Variants in MGAT4C observed in about 807,000 individuals in gnomAD.
MGAT4C encodes alpha-1,3-mannosyl-glycoprotein 4-beta-N-acetylglucosaminyltransferase C.
A neutral mutation model predicts 40.1 loss-of-function variants in MGAT4C; 19 were observed. That is an observed-to-expected ratio of 0.47 (90% confidence interval 0.33 to 0.70). MGAT4C has a LOEUF of 0.70. Ranked by LOEUF, MGAT4C falls within the 30% of genes least tolerant of loss-of-function variation. The pLI, the probability that MGAT4C is intolerant of heterozygous loss-of-function variation, is 0.02. For synonymous variants in MGAT4C, 181 were observed against 187.1 expected, an observed-to-expected ratio of 0.97 and a Z score of 0.27; for missense variants, 491 against 563.2, an observed-to-expected ratio of 0.87 and a Z score of 1.30.
intron 1 of MGAT4C, among the ~76,000 whole-genome samples, chr12:86,795,843 A>G (rs1254504685): frequency 6.6e-6 from 1 of 151,944 alleles, no homozygotes; most frequent in African/African-American, 2.4e-5. Flanking sequence ...GTATTAGTAG[A>G]TTTTGAATCC....
intron 1 of MGAT4C, among the ~76,000 whole-genome samples, chr12:86,153,917 G>A (rs778996875): frequency 1.2e-4 from 18 of 152,224 alleles, no homozygotes; most frequent in Non-Finnish European, 2.1e-4. Context: ...CTTATTGTGA[G>A]CATTTTTTTC....
intron 2 of MGAT4C, among the ~76,000 whole-genome samples, chr12:86,500,820 T>A (rs982747975): frequency 6.6e-6 from 1 of 151,916 alleles, no homozygotes; most frequent in African/African-American, 2.4e-5. Flanking sequence ...AACACAAAAA[T>A]CTGAAATAAA....
At chr12:86,603,630 A>G (rs1434027024) in intron 2 of MGAT4C, among the ~76,000 whole-genome samples, 1 of 126,450 alleles carries the variant, frequency 7.9e-6, no homozygotes, top group African/African-American at 3.0e-5. Context: ...TATAGTCTAT[A>G]GACTATATAT....
intron 2 of MGAT4C, among the ~76,000 whole-genome samples, chr12:86,664,705 A>C (rs1964060960): frequency 6.6e-6 from 1 of 152,208 alleles, no homozygotes; most frequent in Admixed American, 6.5e-5. Flanking sequence ...TATTAACCTA[A>C]AGAAGATTAA....
chr12:86,404,660 A>G lies in MGAT4C; in HGVS notation c.-120+30497T>C, dbSNP rs111627995. ...GAATTTATATTGTTTCACACACTGA[A>G]TTGGTGGTAATTTATAACAGCAGAC... On this transcript the variant is annotated intron_variant, in intron 3 of 7. Transcript: ENST00000548651. 5.8e-3 allele frequency among the ~76,000 whole-genome samples: 880 copies of G among 152,244 alleles called. 8 individuals are homozygous for G. Among genetic ancestry groups the G allele is most frequent in the African/African-American group, 0.02 (844 of 41,548 alleles).
intron 2 of MGAT4C, among the ~76,000 whole-genome samples, chr12:86,595,469 T>C (rs1961499228): frequency 6.6e-6 from 1 of 151,354 alleles, no homozygotes; most frequent in Non-Finnish European, 1.5e-5. Flanking sequence ...AGGCGGAGGT[T>C]GCAGTGAGCA....
At chr12:86,775,497 A>G (rs1951733523) in intron 1 of MGAT4C, among the ~76,000 whole-genome samples, 1 of 151,400 alleles carries the variant, frequency 6.6e-6, no homozygotes, top group South Asian at 2.1e-4. Flanking sequence ...ACAGATGCAC[A>G]AAGGCATTGT....
At chr12:86,028,078 C>T (rs1592722032) in intron 2 of MGAT4C, 1 of 1,236,122 alleles carries the variant, frequency 8.1e-7, no homozygotes, top group African/African-American at 1.5e-5. Flanking sequence ...TTAAATCTTC[C>T]ATCAACTACC....
At chr12:86,789,660 C>T (rs1033015104) in intron 1 of MGAT4C, among the ~76,000 whole-genome samples, 1 of 152,026 alleles carries the variant, frequency 6.6e-6, no homozygotes, top group Non-Finnish European at 1.5e-5. Flanking sequence ...GAATGGTACT[C>T]GTTCCTGTAA....
At position 86,800,729 on chromosome 12, in the gene MGAT4C, A is replaced by C. The variant is rs1952210508; in HGVS notation, c.-262+37937T>G. 2.6e-5 allele frequency among the ~76,000 whole-genome samples: 4 copies of C among 151,910 alleles called. 1 individual carries two copies. Among genetic ancestry groups the C allele is most frequent in the African/African-American group, 9.7e-5 (4 of 41,408 alleles). ...GAAAGTGCCATTGTAAGAGAAAACAAATTAGAACTGAGAGGTCAGAGTATT... is the reference window on the plus strand; with the variant it reads ...GAAAGTGCCATTGTAAGAGAAAACACATTAGAACTGAGAGGTCAGAGTATT... On this transcript the variant is annotated intron_variant, in intron 1 of 7. Coordinates refer to the MGAT4C transcript ENST00000548651.
intron 2 of MGAT4C, among the ~76,000 whole-genome samples, chr12:86,489,518 C>T (rs1049569658): frequency 6.6e-6 from 1 of 152,220 alleles, no homozygotes; most frequent in African/African-American, 2.4e-5. Context: ...GAGCTGATAA[C>T]ACACTGCTAT....
chr12:86,649,277 A>C (rs1395166427), intron 2 of MGAT4C, among the ~76,000 whole-genome samples: 1 of 151,746 alleles, frequency 6.6e-6, no homozygotes, highest in Non-Finnish European at 1.5e-5. Flanking sequence ...GTACCCATTG[A>C]AATGATCTAT....
intron 1 of MGAT4C, among the ~76,000 whole-genome samples, chr12:86,082,834 T>C (rs1444820499): frequency 6.6e-6 from 1 of 152,108 alleles, no homozygotes; most frequent in Non-Finnish European, 1.5e-5. Context: ...GTTTTATTGA[T>C]TTATACTTTT....
chr12:86,803,182 T>C lies in MGAT4C; in HGVS notation c.-262+35484A>G, dbSNP rs1248180784. ...AATGGGGAAAGGATTCCCTATTTAA[T>C]AAATGGTGCTGAGAAAACTGGCTAG... On this transcript the variant is annotated intron_variant, in intron 1 of 7. Transcript: ENST00000548651. 3.3e-5 allele frequency among the ~76,000 whole-genome samples: 5 copies of C among 150,522 alleles called. No homozygotes were observed. The East Asian group carries it at 9.7e-4, about 29-fold the overall frequency.
At chr12:86,440,457 T>C (rs61949525) in intron 2 of MGAT4C, among the ~76,000 whole-genome samples, 14,110 of 152,046 alleles carry the variant, frequency 0.093, 891 homozygotes, top group Middle Eastern at 0.24. Flanking sequence ...CTCAGTAACC[T>C]AGGCATAGAA....
chr12:86,561,966 G>A (rs1254740868), intron 2 of MGAT4C, among the ~76,000 whole-genome samples: 2 of 152,122 alleles, frequency 1.3e-5, no homozygotes, highest in East Asian at 3.9e-4. Flanking sequence ...GAACTGTTTA[G>A]AGAGTTGTGC....
At chr12:86,594,063 T>G (rs1055179851) in intron 2 of MGAT4C, among the ~76,000 whole-genome samples, 4 of 152,182 alleles carry the variant, frequency 2.6e-5, no homozygotes, top group Non-Finnish European at 5.9e-5. Context: ...AGGGTTCCAG[T>G]ATACTCCGCA....
intron 1 of MGAT4C, among the ~76,000 whole-genome samples, chr12:86,080,641 G>T (rs1339918181): frequency 6.6e-6 from 1 of 152,050 alleles, no homozygotes; most frequent in Non-Finnish European, 1.5e-5. Flanking sequence ...AATTCAACTG[G>T]TATCAAGACA....
At chr12:86,436,064 A>G (rs1474384511) in intron 2 of MGAT4C, among the ~76,000 whole-genome samples, 1 of 151,810 alleles carries the variant, frequency 6.6e-6, no homozygotes, top group South Asian at 2.1e-4. Flanking sequence ...TCTTACAACT[A>G]TATGATTATA....
Sources: allele counts gnomAD v4.1 joint callset (sites outside exome capture counted in the v4.1 genomes callset), GRCh38; gene constraint gnomAD v4.1.1; transcripts MANE v1.5; gene names NCBI Gene and HGNC (gene_info 2026-07-23, HGNC 2026-07-21).